Variants in EPHB4 observed in about 807,000 individuals in gnomAD.
EPHB4 encodes the protein EPH receptor B4.
A neutral mutation model predicts 110.6 loss-of-function variants in EPHB4; 50 were observed. The observed-to-expected ratio is 0.45, with a 90% CI of 0.36 to 0.57. EPHB4 has a LOEUF of 0.57. EPHB4 is among the 20% of genes least tolerant of loss of function. EPHB4 has a pLI of 0.00. For missense variants in EPHB4, 1,128 were observed against 1,382.1 expected (o/e 0.82, Z 2.91); for synonymous variants, 592 against 578.4 (o/e 1.02, Z -0.34).
intron 10 of EPHB4, 94 bp downstream of exon 10, chr7:100,813,558 T>G (rs1228455859): frequency 7.4e-7 from 1 of 1,359,634 alleles, no homozygotes; most frequent in East Asian, 2.3e-5. Context: ...TCAAGTGATC[T>G]GCCCACCTCT....
Position 100,817,198 on chromosome 7 carries a change from G to A in EPHB4, c.1582C>T (p.Leu528=). Residue 528 remains leucine, a synonymous_variant, in exon 8 of 17, where the codon CTG becomes TTG. Coordinates refer to ENST00000358173, the MANE Select transcript of EPHB4 (RefSeq NM_004444.5). ...CCCCCTTCCCCAGGCTCACCATCCAGTTGGGTCTGGCTGTGATGTTCCTGG... is the reference window on the plus strand; with the variant it reads ...CCCCCTTCCCCAGGCTCACCATCCAATTGGGTCTGGCTGTGATGTTCCTGG... ...FGQEHHSQTQ[L]DESEGWREQL... is the part of the protein sequence containing the mutation. The A allele has an allele frequency of 6.4e-7, 1 of 1,557,566 alleles. No homozygotes were observed. The highest frequency in any genetic ancestry group is 8.7e-7 in the Non-Finnish European group (1 of 1,152,484).
At chr7:100,820,855 C>G (rs1200776800) in intron 4 of EPHB4, among the ~76,000 whole-genome samples, 1 of 151,866 alleles carries the variant, frequency 6.6e-6, no homozygotes, top group Non-Finnish European at 1.5e-5. Context: ...CTTGGAATGG[C>G]CTGTAAATAC....
chr7:100,827,161 C>A lies in EPHB4; in HGVS notation c.-131G>T. ...CCTCGTCGGGGCCCTCAGCGCGGGC[C>A]CATGCGAGCGTGCGGGGCACCGGGC... is the stretch of plus-strand genomic sequence containing the variant. On this transcript the variant is annotated 5_prime_UTR_variant, in exon 1 of 17. Transcript: ENST00000358173. 2.1e-6 allele frequency: 2 copies of A among 951,966 alleles called. No homozygotes were observed. Among genetic ancestry groups the A allele is most frequent in the Non-Finnish European group, 1.5e-6 (1 of 688,066 alleles). 59.0% of individuals were successfully genotyped at this position (951,966 alleles called of 1,614,324 possible). A position where few individuals can be genotyped will look rare whatever the true frequency, so the allele number is the denominator to read the frequency against.
At chr7:100,809,223 T>TA (rs1812879006) in intron 12 of EPHB4, among the ~76,000 whole-genome samples, 1 of 152,076 alleles carries the variant, frequency 6.6e-6, no homozygotes, top group Admixed American at 6.6e-5. Context: ...TCTCCTGTCT[T>TA]AGTCTCCTGA....
intron 12 of EPHB4, among the ~76,000 whole-genome samples, chr7:100,810,895 G>A (rs182150291): frequency 2.6e-5 from 4 of 152,202 alleles, no homozygotes; most frequent in East Asian, 1.9e-4. Flanking sequence ...CTAGGGAATC[G>A]CTATAACTCT....
At chr7:100,818,421 T>G in intron 7 of EPHB4, 99 bp downstream of exon 7, 2 of 1,544,880 alleles carry the variant, frequency 1.3e-6, no homozygotes, top group Non-Finnish European at 1.8e-6. Flanking sequence ...ATGGCAGAGC[T>G]GGAATTCAAA....
chr7:100,818,286 G>A (rs998169734), intron 7 of EPHB4, among the ~76,000 whole-genome samples: 37 of 152,168 alleles, frequency 2.4e-4, no homozygotes, highest in Admixed American at 2.4e-3. Context: ...ACAGGCGTGA[G>A]CCACCGCACC....
intron 16 of EPHB4, 145 bp downstream of exon 16, chr7:100,805,021 G>T (rs1223731798): frequency 1.8e-6 from 2 of 1,137,164 alleles, no homozygotes; most frequent in African/African-American, 3.1e-5. Context: ...TGCTCCTCTG[G>T]GGCCCTTCTA....
chr7:100,818,077 A>G (rs902563323), intron 7 of EPHB4, among the ~76,000 whole-genome samples: 2 of 150,002 alleles, frequency 1.3e-5, no homozygotes, highest in South Asian at 2.1e-4. Flanking sequence ...CGTGTTAGCC[A>G]GGATGGTCTC....
Position 100,805,640 on chromosome 7 carries a change from T to C in EPHB4, c.2539A>G (p.Thr847Ala). Residue 847 changes from threonine to alanine, a missense_variant, in exon 15 of 17, where the codon ACC becomes GCC. Coordinates refer to ENST00000358173, the MANE Select transcript of EPHB4 (RefSeq NM_004444.5). The stretch of plus-strand genomic sequence containing the variant: ...TCCAGCATGAGCTGGTGGAGGGAGG[T>C]GGGACAGTCTGGGGGCGGGGGCAGC... ...YRLPPPPDCP[T>A]SLHQLMLDCW... 6.5e-7 allele frequency: 1 copy of C among 1,544,978 alleles called. No homozygotes were observed. Among genetic ancestry groups the C allele is most frequent in the Non-Finnish European group, 8.7e-7 (1 of 1,148,584 alleles).
intron 12 of EPHB4, among the ~76,000 whole-genome samples, chr7:100,811,542 T>C (rs1044692791): frequency 2.0e-5 from 3 of 151,872 alleles, no homozygotes; most frequent in Non-Finnish European, 4.4e-5. Flanking sequence ...GGATGACCGG[T>C]GCGTAGAAAG....
At chr7:100,819,050 T>C (rs369747892) in intron 6 of EPHB4, among the ~76,000 whole-genome samples, 8 of 152,130 alleles carry the variant, frequency 5.3e-5, no homozygotes, top group Non-Finnish European at 1.2e-4. Context: ...CCAGTCCCAC[T>C]GGGGGCCTTC....
rs111749768 is a variant in EPHB4 at position 100,822,456 on chromosome 7, G to A, written c.623C>T (p.Pro208Leu). ...AACCAGCTCCCGAGGCACAGTCTCC[G>A]GGAATCGAGTCAGGTTCACAGTCAG... The part of the protein sequence containing the change: ...AQLTVNLTRF[P>L]ETVPRELVVP... Residue 208 changes from proline to leucine, a missense_variant, in exon 4 of 17, where the codon CCG (proline) becomes CTG (leucine). Coordinates refer to ENST00000358173, the MANE Select transcript of EPHB4 (RefSeq NM_004444.5). This position sits in a 1 kb window ranked among gnomAD's most constrained non-coding sequence, Gnocchi z 4.7. The A allele has an allele frequency of 1.0e-4, 166 of 1,607,744 alleles. No individual in the cohort carries two copies. In the African/African-American group the frequency reaches 1.9e-3, roughly 18 times the overall value.
chr7:100,826,929 G>A, intron 1 of EPHB4, 50 bp downstream of exon 1: 1 of 1,536,486 alleles, frequency 6.5e-7, no homozygotes. Context: ...GATGTTGGGG[G>A]GGAGGTCCCA....
At chr7:100,807,231 TCC>T in intron 13 of EPHB4, 132 bp downstream of exon 13, 1 of 853,732 alleles carries the variant, frequency 1.2e-6, no homozygotes, top group South Asian at 1.7e-5. Flanking sequence ...GAGCTGACTG[TCC>T]CCCCACCCAC....
At chr7:100,820,501 CTGA>C (rs1207998696) in intron 4 of EPHB4, 2 of 493,842 alleles carry the variant, frequency 4.0e-6, no homozygotes, top group Non-Finnish European at 6.8e-6. Flanking sequence ...TCTTTTAAGG[CTGA>C]TGAAGTGCTA....
Position 100,823,791 on chromosome 7 carries a change from G to A in EPHB4, c.264C>T (p.Ala88=). Residue 88 remains alanine, a synonymous_variant, in exon 3 of 17, where the codon GCC becomes GCT. Coordinates refer to ENST00000358173, the MANE Select transcript of EPHB4 (RefSeq NM_004444.5). ...VPRRGAVHVY[A]TLRFTMLECL... is the part of the protein sequence containing the mutation. The stretch of plus-strand genomic sequence containing the variant: ...ACTCGAGCATGGTGAAGCGCAGCGT[G>A]GCGTACACGTGGACGGCGCCCCGCC... 6.2e-7 allele frequency: 1 copy of A among 1,613,488 alleles called. No individual in the cohort carries two copies. The highest frequency in any genetic ancestry group is 8.5e-7 in the Non-Finnish European group (1 of 1,179,944).
Position 100,827,505 on chromosome 7 carries a change from G to A in EPHB4, c.-475C>T, listed in dbSNP as rs1007766582. The A allele has an allele frequency of 5.3e-5, 8 of 151,794 alleles. No individual in the cohort carries two copies. The highest frequency in any genetic ancestry group is 1.8e-4 in the South Asian group (1 of 5,418). 9.4% of individuals were successfully genotyped at this position (151,794 alleles called of 1,614,324 possible). On this transcript the variant is annotated 5_prime_UTR_variant, in exon 1 of 17. Coordinates refer to ENST00000358173, the MANE Select transcript of EPHB4 (RefSeq NM_004444.5). Reference sequence around the variant, plus strand: ...GCCGGGCGGGCCGGGCCGGGCAGGGGCTGAGCTGCGCTGGAACTGGGCCGG... The same window carrying A: ...GCCGGGCGGGCCGGGCCGGGCAGGGACTGAGCTGCGCTGGAACTGGGCCGG...
In EPHB4 at chr7:100,813,636, A is replaced by C. The variant is rs1418026700; in HGVS notation, c.1756+16T>G. 1 of 1,613,838 alleles carries C rather than the reference A, an allele frequency of 6.2e-7. No individual in the cohort carries two copies. The highest frequency in any genetic ancestry group is 8.5e-7 in the Non-Finnish European group (1 of 1,179,936). On this transcript the variant is annotated intron_variant, in intron 10 of 16. Transcript: ENST00000358173. ...CGGCCCCAAGCCCCTATTCCCATCA[A>C]ATTAGGGCAACCCACCATGTCCGAT...
Sources: gnomAD v4.1 joint callset for allele counts (sites outside exome capture counted in the v4.1 genomes callset) on GRCh38, gnomAD v4.1.1 for gene constraint, Gnocchi (gnomAD v3.1) non-coding constraint, MANE v1.5 for transcripts, NCBI Gene and HGNC (gene_info 2026-07-23, HGNC 2026-07-21) for gene names.